KLHDC4: variants seen among roughly 807,000 people sequenced by gnomAD.
KLHDC4 encodes the protein kelch domain containing 4, also known as kelch domain-containing protein 4.
In KLHDC4, 90 loss-of-function variants were observed where a neutral mutation model predicts 62.4. The ratio of observed to expected loss-of-function variants is 1.44; its 90% CI spans 1.22 to 1.72. The LOEUF (loss-of-function observed/expected upper bound fraction) is 1.72. Among genes scored for constraint, KLHDC4 ranks in the 40% most tolerant of loss-of-function variants. The pLI, the probability that KLHDC4 is intolerant of heterozygous loss-of-function variation, is 0.00. For missense variants in KLHDC4, 1,025 were observed against 699.7 expected, an observed-to-expected ratio of 1.47 and a Z score of -5.25; for synonymous variants, 386 against 284.4, an observed-to-expected ratio of 1.36 and a Z score of -3.59.
intron 5 of KLHDC4, among the ~76,000 whole-genome samples, chr16:87,748,372 T>C (rs887946112): frequency 2.0e-5 from 3 of 152,238 alleles, no homozygotes; most frequent in African/African-American, 4.8e-5. Flanking sequence ...CCTCCAATGA[T>C]GTAAACAGAA....
At position 87,748,704 on chromosome 16, in the gene KLHDC4, G is replaced by A. The variant is rs1236165939; in HGVS notation, c.475C>T (p.His159Tyr). Residue 159 changes from histidine to tyrosine, a missense_variant, in exon 5 of 12, where the codon CAT becomes TAT. Coordinates refer to ENST00000270583, the MANE Select transcript of KLHDC4 (RefSeq NM_017566.4). The stretch of plus-strand genomic sequence containing the variant: ...TGTTCCCAGGTCTTGGTGGCCAAAT[G>A]CAGGACCCAGAGATCCTTGTAGTGG... ...FYHYKDLWVLHLATKTWEQVK... is the reference protein window; with the variant it reads ...FYHYKDLWVLYLATKTWEQVK... The A allele has an allele frequency of 3.1e-6, 5 of 1,613,546 alleles. No homozygotes were observed. Among genetic ancestry groups the A allele is most frequent in the Non-Finnish European group, 4.2e-6 (5 of 1,179,954 alleles).
At position 87,765,877 on chromosome 16, in the gene KLHDC4, C is replaced by A. The variant is rs1267018908; in HGVS notation, c.14G>T (p.Gly5Val). The change falls in exon 1 of 12, where the codon GGC becomes GTC. Residue 5 changes from glycine (G) to valine (V), a missense_variant. Physicochemically the swap from Gly to Val is moderately radical, Grantham distance 109. Transcript: ENST00000270583. The part of the protein sequence containing the change: MGKK[G>V]KKEKKGRGAE... ...GCCGCGGCCCTTCTTCTCCTTCTTG[C>A]CCTTCTTGCCCATCTTGCCGGGTCC... 1.3e-6 allele frequency: 2 copies of A among 1,550,872 alleles called. No homozygotes were observed. The highest frequency in any genetic ancestry group is 1.2e-5 in the South Asian group (1 of 84,068).
At chr16:87,724,567 G>C (rs1375337511) in intron 7 of KLHDC4, among the ~76,000 whole-genome samples, 2 of 152,156 alleles carry the variant, frequency 1.3e-5, no homozygotes. Context: ...CTTCAGGAAA[G>C]ACAAGCTCAT....
At chr16:87,725,107 G>C (rs1234312592) in intron 7 of KLHDC4, among the ~76,000 whole-genome samples, 1 of 152,046 alleles carries the variant, frequency 6.6e-6, no homozygotes, top group Non-Finnish European at 1.5e-5. Flanking sequence ...GACTTGTTTA[G>C]CAGAAGCTCC....
chr16:87,736,470 A>G (rs971679470), intron 5 of KLHDC4, among the ~76,000 whole-genome samples: 1 of 152,184 alleles, frequency 6.6e-6, no homozygotes, highest in Admixed American at 6.5e-5. Context: ...TCCTCAGACT[A>G]GAGAGCCCCT....
chr16:87,751,507 G>A (rs1015347725), intron 4 of KLHDC4, among the ~76,000 whole-genome samples: 1 of 151,856 alleles, frequency 6.6e-6, no homozygotes, highest in Non-Finnish European at 1.5e-5. Flanking sequence ...AACTTTATGT[G>A]CAGAGAAAAC....
intron 4 of KLHDC4, among the ~76,000 whole-genome samples, chr16:87,752,149 G>A (rs2044094750): frequency 1.4e-5 from 2 of 143,874 alleles, no homozygotes; most frequent in South Asian, 2.3e-4. Context: ...GCTCACGCCT[G>A]TAATCCCAGC....
Position 87,762,002 on chromosome 16 carries a change from G to C in KLHDC4, c.138C>G (p.Leu46=), listed in dbSNP as rs201525176. The part of the protein sequence containing the change: ...LEALIAHFQT[L]DAKRTQTVEL... ...CCACAGTCTGAGTCCTCTTGGCATC[G>C]AGTGTCTGGAAATGGGCTATGAGCG... Residue 46 remains leucine, a synonymous_variant, in exon 2 of 12, where the codon CTC becomes CTG. Coordinates refer to ENST00000270583, the MANE Select transcript of KLHDC4 (RefSeq NM_017566.4). 5.6e-6 allele frequency: 9 copies of C among 1,613,882 alleles called. No individual in the cohort carries two copies. The highest frequency in any genetic ancestry group is 6.8e-6 in the Non-Finnish European group (8 of 1,179,970).
chr16:87,764,208 C>T (rs1032679049), intron 1 of KLHDC4, among the ~76,000 whole-genome samples: 13 of 152,296 alleles, frequency 8.5e-5, no homozygotes, highest in African/African-American at 2.4e-4. Context: ...CCTAATCAGA[C>T]GCCCACTTAT....
chr16:87,761,912 A>T (rs770488665), intron 2 of KLHDC4, 37 bp downstream of exon 2: 134 of 1,597,686 alleles, frequency 8.4e-5, no homozygotes, highest in Non-Finnish European at 1.1e-4. Context: ...TATAGAAGAA[A>T]AGGAAACATA....
At chr16:87,748,018 A>C (rs1346688089) in intron 5 of KLHDC4, among the ~76,000 whole-genome samples, 1 of 152,212 alleles carries the variant, frequency 6.6e-6, no homozygotes, top group African/African-American at 2.4e-5. Flanking sequence ...GGACACTAAC[A>C]ACTCTACTTC....
intron 4 of KLHDC4, among the ~76,000 whole-genome samples, chr16:87,752,718 G>T (rs2044208752): frequency 6.6e-6 from 1 of 152,092 alleles, no homozygotes; most frequent in Non-Finnish European, 1.5e-5. Context: ...CCACCCAAAG[G>T]CAGGCTGATC....
At chr16:87,710,870 A>C in intron 9 of KLHDC4, 1 of 217,110 alleles carries the variant, frequency 4.6e-6, no homozygotes, top group Non-Finnish European at 9.4e-6. Flanking sequence ...GCTCACGTGG[A>C]CAGTAAAGAT....
intron 6 of KLHDC4, among the ~76,000 whole-genome samples, chr16:87,727,659 C>G (rs895245664): frequency 2.6e-5 from 4 of 152,154 alleles, no homozygotes; most frequent in African/African-American, 9.7e-5. Flanking sequence ...GGAGGCGCAC[C>G]CAGAAAGTCC....
chr16:87,701,985 C>T (rs1179293382), exon 1 of KLHDC4: 1 of 456,212 alleles, frequency 2.2e-6, no homozygotes, highest in Non-Finnish European at 4.4e-6. Flanking sequence ...CCTGGGCCTG[C>T]AACAAAGCTC....
chr16:87,748,937 C>A (rs2043463723), intron 4 of KLHDC4, 128 bp from the exon 5 acceptor site: 11 of 1,052,380 alleles, frequency 1.0e-5, no homozygotes, highest in South Asian at 2.0e-5. Flanking sequence ...GCCCCACACT[C>A]AGCCACTTTC....
chr16:87,758,610 C>A (rs1056424760), intron 2 of KLHDC4, among the ~76,000 whole-genome samples: 1 of 152,004 alleles, frequency 6.6e-6, no homozygotes, highest in African/African-American at 2.4e-5. Flanking sequence ...CTTCCCTGGG[C>A]TACAATGGAA....
chr16:87,731,004 CAT>C (rs2040254364), intron 5 of KLHDC4: 2 of 153,832 alleles, frequency 1.3e-5, no homozygotes, highest in South Asian at 3.4e-4. Context: ...TCTTGAAACA[CAT>C]GACTGACAAA....
rs2035756917 is a variant in KLHDC4 at position 87,711,237 on chromosome 16, TC to T, written c.1041del (p.Lys348ArgfsTer92). The T allele has an allele frequency of 6.2e-7, 1 of 1,613,810 alleles. No individual in the cohort carries two copies. Among genetic ancestry groups the T allele is most frequent in the African/African-American group, 1.3e-5 (1 of 74,916 alleles). ...ATRNRWFEGQ[L>X]KGPKSEKKKR... ...ATGCTACTCAGAGGTTGCACTACCTTCAGCTGTCCCTCAAACCAACGGTTCC... is the reference window on the plus strand; with the variant it reads ...ATGCTACTCAGAGGTTGCACTACCTTAGCTGTCCCTCAAACCAACGGTTCC... On this transcript the variant is annotated frameshift_variant, in exon 9 of 12. Transcript: ENST00000270583. LOFTEE classifies it high-confidence loss of function.
Sources: allele counts gnomAD v4.1 joint callset (sites outside exome capture counted in the v4.1 genomes callset), GRCh38; gene constraint gnomAD v4.1.1; transcripts MANE v1.5; gene names NCBI Gene and HGNC (gene_info 2026-07-23, HGNC 2026-07-21).